Variants in COL23A1 observed in about 807,000 individuals in gnomAD.
COL23A1 encodes the protein collagen alpha-1(XXIII) chain.
In COL23A1, 97 loss-of-function variants were observed where a neutral mutation model predicts 99.3. The ratio of observed to expected loss-of-function variants is 0.98; its 90% confidence interval spans 0.83 to 1.16. The LOEUF (loss-of-function observed/expected upper bound fraction) is 1.16, where lower values mean the gene tolerates loss of function less well. COL23A1 is among the 50% of genes most tolerant of loss of function. The pLI is 0.00. For missense variants in COL23A1, 762 were observed against 757.4 expected (o/e 1.01, Z -0.07); for synonymous variants, 320 against 308.2 (o/e 1.04, Z -0.40).
intron 1 of COL23A1, among the ~76,000 whole-genome samples, chr5:178,569,835 C>CA (rs1763001714): frequency 6.6e-6 from 1 of 152,208 alleles, no homozygotes; most frequent in African/African-American, 2.4e-5. Context: ...AGCCCCTCCA[C>CA]ACCCCTTCAT....
intron 2 of COL23A1, among the ~76,000 whole-genome samples, chr5:178,425,829 G>A (rs1765899780): frequency 1.3e-5 from 2 of 152,230 alleles, no homozygotes; most frequent in Admixed American, 6.5e-5. Flanking sequence ...CTAACCAGGA[G>A]AGCCTGATGA....
intron 2 of COL23A1, among the ~76,000 whole-genome samples, chr5:178,323,854 C>T (rs140599817): frequency 4.6e-5 from 7 of 152,292 alleles, no homozygotes; most frequent in South Asian, 2.1e-4. Context: ...AGCATCAACC[C>T]TCCTTTGCAG....
rs1374190537 is a variant in COL23A1, at chr5:178,455,183, C to T, written c.361+105499G>A. On this transcript the variant is annotated intron_variant, in intron 2 of 28. Transcript: ENST00000390654. The stretch of plus-strand genomic sequence containing the variant: ...TTCAGAGGAACTCCTGCAATCTTTC[C>T]GGGGGGGACACAGTTCAACCCGTAC... Among the ~76,000 whole-genome samples the T allele has an allele frequency of 2.0e-5, 3 of 152,302 alleles. No individual in the cohort carries two copies. The East Asian group carries it at 5.8e-4, about 29-fold the overall frequency.
chr5:178,263,837 T>C (rs1765766745), intron 8 of COL23A1, among the ~76,000 whole-genome samples: 1 of 152,140 alleles, frequency 6.6e-6, no homozygotes, highest in East Asian at 1.9e-4. Context: ...GTTAAGGAGC[T>C]GGGGTACATC....
chr5:178,590,200 C>A lies in COL23A1; in HGVS notation c.-3G>T, dbSNP rs1037849472. On this transcript the variant is annotated 5_prime_UTR_variant, in exon 1 of 29. Transcript: ENST00000390654. The surrounding 1 kb of genome is among the most constrained non-coding windows in gnomAD (Gnocchi z 5.7). ...CCGGCGCGCTCGCCTGGGCCCATGG[C>A]GCGTTCGTCGCGCGTGGACTCTCCG... The A allele has an allele frequency of 4.1e-6, 5 of 1,212,334 alleles. No homozygotes were observed. Among genetic ancestry groups the A allele is most frequent in the Non-Finnish European group, 5.1e-6 (5 of 977,460 alleles). The allele number at this position is 1,212,334 out of a possible 1,614,324, so 75.1% of individuals were successfully genotyped here. A position where few individuals can be genotyped will look rare whatever the true frequency, so the allele number is the denominator to read the frequency against.
intron 2 of COL23A1, among the ~76,000 whole-genome samples, chr5:178,338,393 A>G (rs73346822): frequency 0.031 from 4,795 of 152,318 alleles, 73 homozygotes; most frequent in African/African-American, 0.046. Context: ...TGCTAATCCC[A>G]CAACCCACAG....
intron 2 of COL23A1, among the ~76,000 whole-genome samples, chr5:178,425,871 A>G (rs568369478): frequency 9.2e-5 from 14 of 152,358 alleles, no homozygotes; most frequent in African/African-American, 2.9e-4. Context: ...TGGCAGAGGC[A>G]TCTTCTGCTA....
chr5:178,583,990 A>T (rs536798757), intron 1 of COL23A1, among the ~76,000 whole-genome samples: 2 of 152,252 alleles, frequency 1.3e-5, no homozygotes, highest in South Asian at 4.1e-4. Context: ...CAGTGTCTCG[A>T]GGAGCTGGTC....
intron 2 of COL23A1, among the ~76,000 whole-genome samples, chr5:178,373,381 C>T (rs746170640): frequency 6.6e-6 from 1 of 152,198 alleles, no homozygotes; most frequent in Non-Finnish European, 1.5e-5. Flanking sequence ...CAGGCGCGAA[C>T]CTCCAAGGTG....
intron 6 of COL23A1, 152 bp from the exon 7 acceptor site, chr5:178,268,908 G>A: frequency 1.5e-6 from 1 of 677,006 alleles, no homozygotes; most frequent in Non-Finnish European, 2.3e-6. Context: ...CTCAATGAGA[G>A]CTGCCCTGGC....
At chr5:178,353,357 T>C (rs7732432) in intron 2 of COL23A1, among the ~76,000 whole-genome samples, 74,518 of 152,052 alleles carry the variant, frequency 0.49, 18,527 homozygotes, top group Middle Eastern at 0.64. Flanking sequence ...AATGGGAATA[T>C]ATTGAAAATT....
intron 2 of COL23A1, among the ~76,000 whole-genome samples, chr5:178,557,168 C>T (rs955190185): frequency 6.6e-6 from 1 of 152,096 alleles, no homozygotes; most frequent in African/African-American, 2.4e-5. Context: ...ACACGCAGCA[C>T]GCCAATCCCC....
At chr5:178,334,246 G>T (rs1475732669) in intron 2 of COL23A1, among the ~76,000 whole-genome samples, 1 of 152,178 alleles carries the variant, frequency 6.6e-6, no homozygotes, top group Non-Finnish European at 1.5e-5. Context: ...CTGTGTGCCC[G>T]GCGCAGTGCT....
chr5:178,444,883 G>C (rs1767074159), intron 2 of COL23A1, among the ~76,000 whole-genome samples: 1 of 152,144 alleles, frequency 6.6e-6, no homozygotes, highest in Admixed American at 6.5e-5. Context: ...AGGTGAAATG[G>C]GGAAATATAA....
In COL23A1 at chr5:178,560,679, T is replaced by C. The variant is rs1195098962; in HGVS notation, c.361+3A>G. 1.2e-6 allele frequency: 2 copies of C among 1,611,780 alleles called. No individual in the cohort carries two copies. On this transcript the variant is annotated splice_donor_region_variant and intron_variant, in intron 2 of 28. Coordinates refer to ENST00000390654, the MANE Select transcript of COL23A1 (RefSeq NM_173465.4). Reference sequence around the variant, plus strand: ...GCCAGAAGGGAGCTCAACCTTCACTTACCTGGGGGGCAGACACATTCGGAT... The same window carrying C: ...GCCAGAAGGGAGCTCAACCTTCACTCACCTGGGGGGCAGACACATTCGGAT...
At chr5:178,572,689 A>T (rs2113664184) in intron 1 of COL23A1, among the ~76,000 whole-genome samples, 1 of 152,344 alleles carries the variant, frequency 6.6e-6, no homozygotes, top group Admixed American at 6.5e-5. Context: ...CATCCAAGAG[A>T]AATGAAAGAA....
rs1299157698 is a variant in COL23A1, at chr5:178,255,777, T to G, written c.882+576A>C. The stretch of plus-strand genomic sequence containing the variant: ...GCTGCCTAATCCAACCCCCTCCCGC[T>G]CCCCACCACCTGCACAGCCAGGCGG... On this transcript the variant is annotated intron_variant, in intron 15 of 28. Transcript: ENST00000390654. This position sits in a 1 kb window ranked among gnomAD's most constrained non-coding sequence, Gnocchi z 4.2. The G allele has an allele frequency of 3.0e-6, 1 of 338,250 alleles. No homozygotes were observed. The highest frequency in any genetic ancestry group is 6.2e-6 in the Non-Finnish European group (1 of 161,786). The allele number at this position is 338,250 out of a possible 1,614,324, so 21.0% of individuals were successfully genotyped here. A position where few individuals can be genotyped will look rare whatever the true frequency, so the allele number is the denominator to read the frequency against.
rs1200428970 is a variant in COL23A1 at position 178,267,295 on chromosome 5, C to A, written c.522+12G>T. 6.2e-7 allele frequency: 1 copy of A among 1,614,018 alleles called. No homozygotes were observed. The highest frequency in any genetic ancestry group is 8.5e-7 in the Non-Finnish European group (1 of 1,179,918). The stretch of plus-strand genomic sequence containing the variant: ...CATGTGGGCAGTGAGGGAGGTCATG[C>A]CTGGTTCTTACCCGGGGGCCAAAGT... On this transcript the variant is annotated intron_variant, in intron 8 of 28. Coordinates refer to ENST00000390654, the MANE Select transcript of COL23A1 (RefSeq NM_173465.4).
chr5:178,353,668 T>C (rs1447590795), intron 2 of COL23A1, among the ~76,000 whole-genome samples: 1 of 152,174 alleles, frequency 6.6e-6, no homozygotes, highest in Non-Finnish European at 1.5e-5. Flanking sequence ...TAGTACCCAC[T>C]TCCTGGGAAG....
Sources: gnomAD v4.1 joint callset for allele counts (sites outside exome capture counted in the v4.1 genomes callset) on GRCh38, gnomAD v4.1.1 for gene constraint, Gnocchi (gnomAD v3.1) non-coding constraint, MANE v1.5 for transcripts, NCBI Gene and HGNC (gene_info 2026-07-23, HGNC 2026-07-21) for gene names.